Variants in VRK3 observed in about 807,000 individuals in gnomAD.
VRK3 encodes the protein serine/threonine-protein kinase VRK3.
A neutral mutation model predicts 60.4 loss-of-function variants in VRK3; 50 were observed. That is an observed-to-expected ratio of 0.83 (90% CI 0.66 to 1.05). The LOEUF (loss-of-function observed/expected upper bound fraction) is 1.05. Ranked by LOEUF, VRK3 falls within the 50% of genes least tolerant of loss-of-function variation. VRK3 has a pLI of 0.00. For missense variants in VRK3, 549 were observed against 585.3 expected (o/e 0.94, Z 0.64); for synonymous variants, 246 against 227.8 (o/e 1.08, Z -0.72).
intron 1 of VRK3, chr19:50,024,999 C>T (rs1165385589): frequency 2.0e-5 from 3 of 152,258 alleles, no homozygotes; most frequent in Non-Finnish European, 4.4e-5. Flanking sequence ...ATGACTTAGA[C>T]GCCAAGTTTC....
rs749570231 is a variant in VRK3, at chr19:49,979,086, G to C, written c.*8C>G. 1.9e-6 allele frequency: 3 copies of C among 1,599,934 alleles called. No homozygotes were observed. Among genetic ancestry groups the C allele is most frequent in the Non-Finnish European group, 2.6e-6 (3 of 1,171,030 alleles). ...AAGCCTCACAAGCTCTTCCCACCTG[G>C]ATTCCACCTAGGGCACCATCGGGAG... On this transcript the variant is annotated 3_prime_UTR_variant, in exon 14 of 15. Coordinates refer to ENST00000316763, the MANE Select transcript of VRK3 (RefSeq NM_016440.4).
intron 2 of VRK3, among the ~76,000 whole-genome samples, chr19:50,017,574 CAAAAAAAA>C (rs1321466617): frequency 1.8e-4 from 7 of 39,160 alleles, no homozygotes; most frequent in East Asian, 8.7e-4. Flanking sequence ...AACTCTGCCT[CAAAAAAAA>C]AAAAAAAAAA....
At chr19:49,987,659 T>C (rs2076539139) in intron 12 of VRK3, 1 of 151,854 alleles carries the variant, frequency 6.6e-6, no homozygotes, top group Non-Finnish European at 1.5e-5. Context: ...ATTGCCTGCA[T>C]GTTTGTGATG....
chr19:49,983,263 C>T (rs1011486495), intron 12 of VRK3, among the ~76,000 whole-genome samples: 3 of 152,288 alleles, frequency 2.0e-5, no homozygotes, highest in African/African-American at 7.2e-5. Context: ...CATCCACGCA[C>T]GTATGCCTCT....
In VRK3 at chr19:50,025,291, G is replaced by C. The variant is rs1261861889; in HGVS notation, c.-89C>G. ...CCTCTGTACTTGGGGACTGGGGTGG[G>C]ATTCTGGGCTTCTGCAGCCTGACCC... On this transcript the variant is annotated 5_prime_UTR_variant, in exon 1 of 15. In the 5' UTR this introduces an upstream ATG that the reference lacks. Coordinates refer to ENST00000316763, the MANE Select transcript of VRK3 (RefSeq NM_016440.4). 6.6e-6 allele frequency: 1 copy of C among 152,296 alleles called. No homozygotes were observed. Among genetic ancestry groups the C allele is most frequent in the Non-Finnish European group, 1.5e-5 (1 of 68,084 alleles). 9.4% of individuals were successfully genotyped at this position (152,296 alleles called of 1,614,324 possible).
chr19:49,978,477 T>A (rs2076368193), intron 14 of VRK3: 1 of 152,922 alleles, frequency 6.5e-6, no homozygotes, highest in South Asian at 2.1e-4. Context: ...AGTTGATACC[T>A]CCATCCACAG....
At chr19:50,016,764 G>A (rs1316406872) in intron 2 of VRK3, among the ~76,000 whole-genome samples, 4 of 152,208 alleles carry the variant, frequency 2.6e-5, no homozygotes, top group Non-Finnish European at 4.4e-5. Flanking sequence ...TACATACTGA[G>A]ACTATGACAA....
At position 50,016,073 on chromosome 19, in the gene VRK3, C is replaced by T; in HGVS notation, c.90G>A (p.Glu30=). 1 of 1,614,236 alleles carries T rather than the reference C, an allele frequency of 6.2e-7. No homozygotes were observed. Among genetic ancestry groups the T allele is most frequent in the Non-Finnish European group, 8.5e-7 (1 of 1,180,038 alleles). The part of the protein sequence containing the change: ...PYCGNSLPVE[E]HVGSQTFVNP... The stretch of plus-strand genomic sequence containing the variant: ...TGACAAAGGTCTGGGACCCTACATG[C>T]TCCTCTACAGGCAAAGAATTTCCAC... Residue 30 remains glutamate (E), a synonymous_variant, in exon 3 of 15, where the codon GAG becomes GAA. Coordinates refer to ENST00000316763, the MANE Select transcript of VRK3 (RefSeq NM_016440.4).
At chr19:50,010,073 CAT>C (rs1555851459) in intron 3 of VRK3, among the ~76,000 whole-genome samples, 77 of 149,436 alleles carry the variant, frequency 5.2e-4, no homozygotes, top group African/African-American at 1.7e-3. Context: ...CACACACACA[CAT>C]ATACACACAT....
At chr19:49,985,983 G>C (rs1043428793) in intron 12 of VRK3, among the ~76,000 whole-genome samples, 1 of 152,206 alleles carries the variant, frequency 6.6e-6, no homozygotes, top group African/African-American at 2.4e-5. Flanking sequence ...GCAGCTCAGA[G>C]CAGTTGTGAG....
At chr19:49,984,230 G>C (rs2076474314) in intron 12 of VRK3, among the ~76,000 whole-genome samples, 1 of 152,184 alleles carries the variant, frequency 6.6e-6, no homozygotes, top group African/African-American at 2.4e-5. Flanking sequence ...GAGGCACCAT[G>C]GGCTGATTCT....
chr19:50,013,614 C>G (rs59088209), intron 3 of VRK3, among the ~76,000 whole-genome samples: 8,020 of 152,264 alleles, frequency 0.053, 694 homozygotes, highest in African/African-American at 0.18. Context: ...AATATAGTAT[C>G]TGGGCTTGGG....
chr19:49,990,095 G>C (rs1046672343), intron 10 of VRK3, among the ~76,000 whole-genome samples: 3 of 151,754 alleles, frequency 2.0e-5, no homozygotes, highest in Non-Finnish European at 4.4e-5. Flanking sequence ...TTTCCACAGA[G>C]GCCTCACACC....
rs1428345391 is a variant in VRK3 at position 49,976,518 on chromosome 19, G to A, written c.*278C>T. The A allele has an allele frequency of 6.6e-6, 1 of 152,640 alleles. No homozygotes were observed. The highest frequency in any genetic ancestry group is 1.9e-4 in the East Asian group (1 of 5,198). The allele number at this position is 152,640 out of a possible 1,614,324, so 9.5% of individuals were successfully genotyped here. A position where few individuals can be genotyped will look rare whatever the true frequency, so the allele number is the denominator to read the frequency against. ...GCACAGAGGTGTCAAGGGTAGGAGG[G>A]GTCCCCCCTGTGGGCCGGCCCAACC... On this transcript the variant is annotated 3_prime_UTR_variant, in exon 15 of 15. Coordinates refer to ENST00000316763, the MANE Select transcript of VRK3 (RefSeq NM_016440.4).
At chr19:49,981,034 G>C (rs751497199) in intron 12 of VRK3, 21 bp from the exon 13 acceptor site, 6 of 1,610,656 alleles carry the variant, frequency 3.7e-6, no homozygotes, top group Non-Finnish European at 5.1e-6. Flanking sequence ...AGAAACACAT[G>C]TGAAAGGTCT....
intron 12 of VRK3, chr19:49,986,782 C>T (rs1175210252): frequency 1.3e-5 from 2 of 152,268 alleles, no homozygotes; most frequent in Non-Finnish European, 2.9e-5. Context: ...ATCTCATCCT[C>T]TCCTGGGGCT....
chr19:49,992,977 C>G, intron 9 of VRK3, 25 bp from the exon 10 acceptor site: 1 of 1,601,774 alleles, frequency 6.2e-7, no homozygotes, highest in Non-Finnish European at 8.5e-7. Flanking sequence ...AAGTCAGTGT[C>G]TGCATGAGCA....
intron 2 of VRK3, among the ~76,000 whole-genome samples, chr19:50,019,861 G>A (rs2077143091): frequency 6.6e-6 from 1 of 151,148 alleles, no homozygotes; most frequent in Non-Finnish European, 1.5e-5. Context: ...TGAACAAAGC[G>A]TTTGTTTAGA....
At chr19:50,003,193 G>A (rs544252564) in intron 5 of VRK3, among the ~76,000 whole-genome samples, 1 of 152,252 alleles carries the variant, frequency 6.6e-6, no homozygotes, top group East Asian at 1.9e-4. Context: ...CACCTCCCCA[G>A]GCCCTGCTGG....
Sources: allele counts gnomAD v4.1 joint callset (sites outside exome capture counted in the v4.1 genomes callset), GRCh38; gene constraint gnomAD v4.1.1; transcripts MANE v1.5; gene names NCBI Gene and HGNC (gene_info 2026-07-23, HGNC 2026-07-21).